Variants in WDR27 observed in about 807,000 individuals in gnomAD.
WDR27 encodes WD repeat domain 27, also known as WD repeat-containing protein 27.
In WDR27, 100 loss-of-function variants were observed where a neutral mutation model predicts 114.4. The ratio of observed to expected loss-of-function variants is 0.87; its 90% CI spans 0.74 to 1.03. WDR27 has a LOEUF of 1.03. Ranked by LOEUF, WDR27 falls within the 50% of genes least tolerant of loss-of-function variation. The probability of loss-of-function intolerance (pLI) is 0.00; values close to 1 mark genes in which losing one functional copy is unlikely to be tolerated. For missense variants in WDR27, 1,129 were observed against 1,092.9 expected (o/e 1.03, Z -0.47); for synonymous variants, 449 against 423.1 (o/e 1.06, Z -0.75).
chr6:169,606,144 GA>G (rs1338152858), intron 22 of WDR27, among the ~76,000 whole-genome samples: 2 of 151,574 alleles, frequency 1.3e-5, no homozygotes, highest in Non-Finnish European at 2.9e-5. Flanking sequence ...CACAGCAAAA[GA>G]AATAATCAAC....
intron 25 of WDR27, among the ~76,000 whole-genome samples, chr6:169,527,462 T>C (rs1562534971): frequency 6.6e-6 from 1 of 152,190 alleles, no homozygotes. Flanking sequence ...GGTTGCTAGA[T>C]GATTCGGGAG....
the WDR27 span, among the ~76,000 whole-genome samples, chr6:169,433,742 TC>T: frequency 6.6e-6 from 1 of 152,230 alleles, no homozygotes; most frequent in African/African-American, 2.4e-5. Flanking sequence ...CCACATCTTC[TC>T]CAGCATCTGT....
intron 2 of WDR27, among the ~76,000 whole-genome samples, chr6:169,683,328 T>C (rs1351330928): frequency 6.6e-6 from 1 of 151,568 alleles, no homozygotes; most frequent in Non-Finnish European, 1.5e-5. Flanking sequence ...GTAAATAACA[T>C]ACAAGGGAGA....
At chr6:169,580,662 A>G (rs901449487) in intron 24 of WDR27, among the ~76,000 whole-genome samples, 1 of 152,120 alleles carries the variant, frequency 6.6e-6, no homozygotes, top group African/African-American at 2.4e-5. Context: ...AATTACCAAC[A>G]TTGTCCAATC....
At chr6:169,692,550 CCACA>C (rs1784791625) in intron 1 of WDR27, among the ~76,000 whole-genome samples, 1 of 152,134 alleles carries the variant, frequency 6.6e-6, no homozygotes, top group Non-Finnish European at 1.5e-5. Context: ...GGGCTGAGTC[CCACA>C]CACAGGCTGT....
chr6:169,634,362 C>T (rs1817161321), intron 20 of WDR27, 66 bp downstream of exon 20: 2 of 1,209,900 alleles, frequency 1.7e-6, no homozygotes, highest in Non-Finnish European at 2.4e-6. Context: ...ATGCTCAGCA[C>T]ATGCCTCTGC....
At chr6:169,459,776 G>A (rs1227185472) in intron 25 of WDR27, among the ~76,000 whole-genome samples, 1 of 151,908 alleles carries the variant, frequency 6.6e-6, no homozygotes, top group African/African-American at 2.4e-5. Context: ...AGACCACAAG[G>A]CAATGGTCTT....
chr6:169,499,430 T>C (rs1199952575), intron 25 of WDR27, among the ~76,000 whole-genome samples: 1 of 152,202 alleles, frequency 6.6e-6, no homozygotes, highest in African/African-American at 2.4e-5. Context: ...GTTCCAGGTG[T>C]TCATCTGACT....
At chr6:169,447,203 C>T in the WDR27 span, among the ~76,000 whole-genome samples, 4 of 152,152 alleles carry the variant, frequency 2.6e-5, no homozygotes, top group Admixed American at 1.3e-4. Context: ...CCAAATTTAA[C>T]AACATTTTTC....
chr6:169,527,843 A>C (rs1241944759), intron 25 of WDR27, among the ~76,000 whole-genome samples: 2 of 152,184 alleles, frequency 1.3e-5, no homozygotes, highest in African/African-American at 4.8e-5. Context: ...AAGATTTTTA[A>C]AAGGACATTG....
chr6:169,509,567 G>A (rs1792484271), intron 25 of WDR27, among the ~76,000 whole-genome samples: 3 of 151,540 alleles, frequency 2.0e-5, no homozygotes, highest in Admixed American at 2.0e-4. Context: ...TGGGAAAACT[G>A]GCTAGCCATA....
At chr6:169,537,650 C>T (rs1047752611) in intron 25 of WDR27, among the ~76,000 whole-genome samples, 8 of 152,034 alleles carry the variant, frequency 5.3e-5, no homozygotes, top group African/African-American at 1.5e-4. Context: ...GCGTGGGCTT[C>T]GATCTTATTC....
intron 16 of WDR27, among the ~76,000 whole-genome samples, chr6:169,645,023 T>TAAAAAAAAA (rs776362942): frequency 8.5e-5 from 4 of 46,980 alleles, no homozygotes; most frequent in Non-Finnish European, 7.8e-5. Flanking sequence ...AAAAAAAAAA[T>TAAAAAAAAA]AAAAAAAAAA....
intron 5 of WDR27, chr6:169,667,510 A>G (rs973737516): frequency 2.4e-6 from 1 of 420,130 alleles, no homozygotes; most frequent in African/African-American, 2.2e-5. Flanking sequence ...CGGAAACTGT[A>G]GCAGTCTACA....
intron 25 of WDR27, among the ~76,000 whole-genome samples, chr6:169,479,402 A>G (rs1787637576): frequency 6.6e-6 from 1 of 152,194 alleles, no homozygotes; most frequent in Non-Finnish European, 1.5e-5. Flanking sequence ...ACTTTAAACC[A>G]ATAAAAATCA....
chr6:169,485,404 G>A (rs1036067646), intron 25 of WDR27, among the ~76,000 whole-genome samples: 1 of 152,178 alleles, frequency 6.6e-6, no homozygotes. Flanking sequence ...ATGAGCATAT[G>A]AGAAAAAGCT....
the WDR27 span, among the ~76,000 whole-genome samples, chr6:169,444,251 C>T: frequency 6.6e-6 from 1 of 152,200 alleles, no homozygotes; most frequent in African/African-American, 2.4e-5. Flanking sequence ...ATCACCTGCC[C>T]ACCCTCTACT....
intron 21 of WDR27, among the ~76,000 whole-genome samples, chr6:169,625,743 C>T (rs560356530): frequency 2.0e-5 from 3 of 152,300 alleles, no homozygotes; most frequent in East Asian, 1.9e-4. Flanking sequence ...GATCTCACGC[C>T]GGCACCCCTA....
At chr6:169,568,848 G>C (rs1031501567) in intron 25 of WDR27, among the ~76,000 whole-genome samples, 17 of 152,042 alleles carry the variant, frequency 1.1e-4, no homozygotes, top group African/African-American at 3.9e-4. Context: ...AGAGGAAATG[G>C]GTTGTTCTTT....
Sources: gnomAD v4.1 joint callset for allele counts (sites outside exome capture counted in the v4.1 genomes callset) on GRCh38, gnomAD v4.1.1 for gene constraint, MANE v1.5 for transcripts, NCBI Gene and HGNC (gene_info 2026-07-23, HGNC 2026-07-21) for gene names.